MYO3B: variants seen among roughly 807,000 people sequenced by gnomAD.
MYO3B encodes myosin-IIIb.
MYO3B carries 156 observed loss-of-function variants against 174.6 expected under a neutral mutation model. The ratio of observed to expected loss-of-function variants is 0.89; its 90% CI spans 0.78 to 1.02. The LOEUF is 1.02. Ranked by LOEUF, MYO3B falls within the 50% of genes least tolerant of loss-of-function variation. The pLI is 0.00. For missense variants in MYO3B, 1,632 were observed against 1,639.4 expected, an observed-to-expected ratio of 1.00 and a Z score of 0.08; for synonymous variants, 563 against 569.1, an observed-to-expected ratio of 0.99 and a Z score of 0.15.
In MYO3B at chr2:170,548,064, G is replaced by A. The variant is rs531673788; in HGVS notation, c.3733+4076G>A. On this transcript the variant is annotated intron_variant, in intron 32 of 34. Coordinates refer to ENST00000408978, the MANE Select transcript of MYO3B (RefSeq NM_138995.5). ...CGTGCTTGCAGTGAGCCAAGATCGC[G>A]CCACTGCACTCCAGCCTGGGAAACA... 1.0e-3 allele frequency among the ~76,000 whole-genome samples: 138 copies of A among 136,264 alleles called. 1 individual carries two copies. The highest frequency in any genetic ancestry group is 4.3e-3 in the Middle Eastern group (1 of 232). 89.4% of individuals were successfully genotyped at this position (136,264 alleles called of 152,430 possible). A position where few individuals can be genotyped will look rare whatever the true frequency, so the allele number is the denominator to read the frequency against.
intron 30 of MYO3B, among the ~76,000 whole-genome samples, chr2:170,521,556 T>C (rs532505073): frequency 3.0e-4 from 45 of 152,264 alleles, no homozygotes; most frequent in African/African-American, 1.0e-3. Context: ...TCTCCTTATC[T>C]TCGGCTGTCC....
chr2:170,258,323 G>A (rs769713413), intron 7 of MYO3B, among the ~76,000 whole-genome samples: 6 of 152,100 alleles, frequency 3.9e-5, no homozygotes, highest in Non-Finnish European at 7.4e-5. Context: ...CAAAATACTG[G>A]CAAACTGAAT....
intron 30 of MYO3B, among the ~76,000 whole-genome samples, chr2:170,534,232 AAATT>A (rs1416116593): frequency 6.6e-6 from 1 of 152,146 alleles, no homozygotes; most frequent in Non-Finnish European, 1.5e-5. Context: ...CCATATTTTG[AAATT>A]AAGGTATGTA....
At chr2:170,501,999 T>C in intron 28 of MYO3B, 134 bp downstream of exon 28, 1 of 625,424 alleles carries the variant, frequency 1.6e-6, no homozygotes, top group Admixed American at 2.7e-5. Context: ...ACAGGAGTCC[T>C]AGTGTTCTGA....
chr2:170,198,399 T>C (rs1314446255), intron 1 of MYO3B, among the ~76,000 whole-genome samples: 1 of 152,212 alleles, frequency 6.6e-6, no homozygotes. Context: ...CAGAGCTTTG[T>C]AGTGATGAGT....
At chr2:170,280,764 T>C (rs2105391909) in intron 7 of MYO3B, among the ~76,000 whole-genome samples, 1 of 152,300 alleles carries the variant, frequency 6.6e-6, no homozygotes, top group Non-Finnish European at 1.5e-5. Context: ...TTTGTCGGCT[T>C]TGTCAAAGAT....
chr2:170,631,004 CA>C (rs1696923613), intron 32 of MYO3B, among the ~76,000 whole-genome samples: 1 of 152,214 alleles, frequency 6.6e-6, no homozygotes, highest in Non-Finnish European at 1.5e-5. Context: ...CCTTCTCCTC[CA>C]AAGGAACGCA....
chr2:170,244,802 G>A (rs1227348082), intron 7 of MYO3B, among the ~76,000 whole-genome samples: 2 of 152,160 alleles, frequency 1.3e-5, no homozygotes, highest in African/African-American at 4.8e-5. Flanking sequence ...ATTTGAGACT[G>A]GTATGAATGG....
chr2:170,566,220 A>C (rs894865437), intron 32 of MYO3B, among the ~76,000 whole-genome samples: 5 of 152,216 alleles, frequency 3.3e-5, no homozygotes, highest in Non-Finnish European at 7.3e-5. Flanking sequence ...AAGCATCTAA[A>C]ATAGGAGATT....
At chr2:170,416,829 T>G (rs1425779961) in intron 22 of MYO3B, among the ~76,000 whole-genome samples, 2 of 144,630 alleles carry the variant, frequency 1.4e-5, no homozygotes, top group African/African-American at 5.1e-5. Context: ...TTTTTTTTTT[T>G]TTTTTTTTTT....
At chr2:170,322,870 G>A (rs2093838921) in intron 7 of MYO3B, among the ~76,000 whole-genome samples, 1 of 152,172 alleles carries the variant, frequency 6.6e-6, no homozygotes, top group African/African-American at 2.4e-5. Flanking sequence ...ATGGTGACAG[G>A]TGTTGATGTT....
chr2:170,205,982 A>C (rs1203289215), intron 3 of MYO3B, among the ~76,000 whole-genome samples: 1 of 152,140 alleles, frequency 6.6e-6, no homozygotes, highest in Non-Finnish European at 1.5e-5. Context: ...AGTATATTAT[A>C]ATAAAGCCCA....
intron 25 of MYO3B, among the ~76,000 whole-genome samples, chr2:170,467,078 A>G (rs1684685647): frequency 6.6e-6 from 1 of 152,218 alleles, no homozygotes; most frequent in African/African-American, 2.4e-5. Flanking sequence ...CTGGCATGAT[A>G]TAATACGATA....
chr2:170,189,565 GTCT>G (rs1443135563), intron 1 of MYO3B, among the ~76,000 whole-genome samples: 11 of 151,726 alleles, frequency 7.2e-5, no homozygotes, highest in Non-Finnish European at 1.6e-4. Context: ...CAAATAGCCT[GTCT>G]TCAAGCTCAC....
intron 7 of MYO3B, among the ~76,000 whole-genome samples, chr2:170,284,661 T>A (rs1016118214): frequency 6.6e-6 from 1 of 152,186 alleles, no homozygotes; most frequent in African/African-American, 2.4e-5. Context: ...GTTTAAATAT[T>A]TAAAACATAC....
At chr2:170,505,638 A>G (rs962743466) in intron 28 of MYO3B, among the ~76,000 whole-genome samples, 1 of 152,258 alleles carries the variant, frequency 6.6e-6, no homozygotes, top group African/African-American at 2.4e-5. Context: ...AAAGACCTAC[A>G]TGTAATATCT....
chr2:170,442,497 C>CTTTTTTT (rs34632756), intron 22 of MYO3B, among the ~76,000 whole-genome samples: 2 of 136,870 alleles, frequency 1.5e-5, no homozygotes, highest in East Asian at 2.1e-4. Flanking sequence ...AGGAGGTGTT[C>CTTTTTTT]TTTTTTTTTT....
At chr2:170,534,444 T>C (rs1409407354) in intron 30 of MYO3B, among the ~76,000 whole-genome samples, 1 of 152,128 alleles carries the variant, frequency 6.6e-6, no homozygotes, top group East Asian at 1.9e-4. Context: ...GTGTCCTGTT[T>C]TTTTGTTTGT....
Position 170,653,003 on chromosome 2 carries a change from G to A in MYO3B, c.3908G>A (p.Gly1303Glu), listed in dbSNP as rs1158800296. ...RKLGQIKVLD[G>E]EDEYYKSLSP... ...TGCAGCCAAATCAAAGTACTTGATG[G>A]GGAAGATGAATATTACAAATCTCTG... The change falls in exon 35 of 35, where the codon GGG (glycine) becomes GAG (glutamate). Residue 1303 changes from glycine to glutamate, a missense_variant. By Grantham distance (98) the Gly-to-Glu change is moderately conservative. Coordinates refer to ENST00000408978, the MANE Select transcript of MYO3B (RefSeq NM_138995.5). 3.1e-6 allele frequency: 5 copies of A among 1,614,032 alleles called. 1 individual carries two copies. The East Asian group carries it at 8.9e-5, about 29-fold the overall frequency.
Sources: gnomAD v4.1 joint callset for allele counts (sites outside exome capture counted in the v4.1 genomes callset) on GRCh38, gnomAD v4.1.1 for gene constraint, MANE v1.5 for transcripts, NCBI Gene and HGNC (gene_info 2026-07-23, HGNC 2026-07-21) for gene names.